MARCHF10: variants seen among roughly 807,000 people sequenced by gnomAD.
The protein encoded by MARCHF10 is probable E3 ubiquitin-protein ligase MARCHF10.
MARCHF10 carries 64 observed loss-of-function variants against 76.2 expected under a neutral mutation model. That is an observed-to-expected ratio of 0.84 (90% confidence interval 0.69 to 1.03). The LOEUF is 1.03. Ranked by LOEUF, MARCHF10 falls within the 50% of genes least tolerant of loss-of-function variation. The pLI, the probability that MARCHF10 is intolerant of heterozygous loss-of-function variation, is 0.00. For synonymous variants in MARCHF10, 340 were observed against 357.5 expected (o/e 0.95, Z 0.55); for missense variants, 875 against 958.0 (o/e 0.91, Z 1.14).
At chr17:62,770,607 C>T (rs1339776173) in intron 3 of MARCHF10, among the ~76,000 whole-genome samples, 5 of 147,512 alleles carry the variant, frequency 3.4e-5, no homozygotes, top group Non-Finnish European at 7.4e-5. Context: ...AGTGCACGAT[C>T]TTGACTCACT....
chr17:62,718,480 A>T (rs2090328967), intron 8 of MARCHF10, among the ~76,000 whole-genome samples: 1 of 152,216 alleles, frequency 6.6e-6, no homozygotes, highest in African/African-American at 2.4e-5. Context: ...TAGACAAGGC[A>T]TTCCCCTGGG....
intron 2 of MARCHF10, among the ~76,000 whole-genome samples, chr17:62,793,892 A>T (rs1397675658): frequency 2.3e-5 from 3 of 133,288 alleles, no homozygotes; most frequent in Non-Finnish European, 4.8e-5. Flanking sequence ...CACCACATCC[A>T]TCAACCACCA....
intron 5 of MARCHF10, among the ~76,000 whole-genome samples, chr17:62,742,662 C>T (rs1320231881): frequency 2.0e-5 from 3 of 148,922 alleles, no homozygotes; most frequent in Non-Finnish European, 4.4e-5. Context: ...GAGACGCTTA[C>T]CTTTCTCCTT....
intron 3 of MARCHF10, among the ~76,000 whole-genome samples, chr17:62,783,518 C>T (rs1291586420): frequency 1.3e-5 from 2 of 151,980 alleles, no homozygotes; most frequent in Non-Finnish European, 2.9e-5. Flanking sequence ...CAAGAAATAA[C>T]TAAGATGAGA....
At chr17:62,772,299 TTGTC>T (rs1453169562) in intron 3 of MARCHF10, among the ~76,000 whole-genome samples, 11 of 152,260 alleles carry the variant, frequency 7.2e-5, no homozygotes, top group African/African-American at 2.4e-4. Flanking sequence ...AGTTCTCTCT[TTGTC>T]TGTCGCCATG....
Position 62,725,413 on chromosome 17 carries a change from GCCACCACA to G in MARCHF10, c.1938-317_1938-310del, listed in dbSNP as rs1205749873. Among the ~76,000 whole-genome samples the G allele has an allele frequency of 2.0e-5, 3 of 152,118 alleles. No individual in the cohort carries two copies. In the East Asian group the frequency reaches 5.8e-4, roughly 29 times the overall value. ...CCAAGTAGCTGGATTACAGGTGCAT[GCCACCACA>G]CCTGGCTATTTTAAAAATTATTTTG... On this transcript the variant is annotated intron_variant, in intron 6 of 10. Transcript: ENST00000311269.
chr17:62,763,805 A>G (rs1402474238), intron 3 of MARCHF10, among the ~76,000 whole-genome samples: 2 of 152,248 alleles, frequency 1.3e-5, no homozygotes, highest in Non-Finnish European at 2.9e-5. Context: ...AAGTTCTAAC[A>G]AAGCCATGTT....
chr17:62,722,681 G>A lies in MARCHF10; in HGVS notation c.2105-84C>T, dbSNP rs576248400. Reference sequence around the variant, plus strand: ...TTTGGACAGGTGATATTTGGGGAGTGAACTTGTGTGTGTTATGAATTCTGA... The same window carrying A: ...TTTGGACAGGTGATATTTGGGGAGTAAACTTGTGTGTGTTATGAATTCTGA... On this transcript the variant is annotated intron_variant, in intron 7 of 10. Transcript: ENST00000311269. 1,643 of 1,097,950 alleles carry A rather than the reference G, an allele frequency of 1.5e-3. 2 individuals carry two copies. The highest frequency in any genetic ancestry group is 6.0e-3 in the Middle Eastern group (30 of 5,024). 68.0% of individuals were successfully genotyped at this position (1,097,950 alleles called of 1,614,324 possible). A position where few individuals can be genotyped will look rare whatever the true frequency, so the allele number is the denominator to read the frequency against.
intron 8 of MARCHF10, among the ~76,000 whole-genome samples, chr17:62,721,561 C>T (rs2090489273): frequency 6.6e-6 from 1 of 152,054 alleles, no homozygotes; most frequent in African/African-American, 2.4e-5. Context: ...TACTTTTGCA[C>T]CAACCTAATA....
At chr17:62,732,647 T>G (rs770179773) in intron 6 of MARCHF10, among the ~76,000 whole-genome samples, 2 of 151,972 alleles carry the variant, frequency 1.3e-5, no homozygotes, top group Admixed American at 6.6e-5. Context: ...CATAACGATA[T>G]CAGGTTAAGA....
intron 2 of MARCHF10, among the ~76,000 whole-genome samples, chr17:62,796,879 G>A (rs2092994442): frequency 6.6e-6 from 1 of 152,134 alleles, no homozygotes; most frequent in Non-Finnish European, 1.5e-5. Context: ...TGTGGTTCCA[G>A]CCACTCAGGA....
chr17:62,787,370 G>A lies in MARCHF10; in HGVS notation c.210+1110C>T, dbSNP rs185056617. On this transcript the variant is annotated intron_variant, in intron 3 of 10. Coordinates refer to ENST00000311269, the MANE Select transcript of MARCHF10 (RefSeq NM_152598.4). ...TCAACAAGAACTTGATTGATATCACGTATTCAGGATCTATCTCAGGATCCA... is the reference window on the plus strand; with the variant it reads ...TCAACAAGAACTTGATTGATATCACATATTCAGGATCTATCTCAGGATCCA... Among the ~76,000 whole-genome samples, 14 of 152,036 alleles carry A rather than the reference G, an allele frequency of 9.2e-5. 1 individual carries two copies. The highest frequency in any genetic ancestry group is 5.3e-4 in the Admixed American group (8 of 15,228).
At chr17:62,796,988 C>T (rs2092996687) in intron 2 of MARCHF10, among the ~76,000 whole-genome samples, 1 of 151,892 alleles carries the variant, frequency 6.6e-6, no homozygotes, top group South Asian at 2.1e-4. Flanking sequence ...TGCACCCCCA[C>T]CTGGACAACA....
At chr17:62,763,611 G>A (rs1354889315) in intron 3 of MARCHF10, among the ~76,000 whole-genome samples, 1 of 152,012 alleles carries the variant, frequency 6.6e-6, no homozygotes, top group Admixed American at 6.6e-5. Flanking sequence ...GTGTCCCCAA[G>A]TTGAAATGTC....
intron 5 of MARCHF10, among the ~76,000 whole-genome samples, chr17:62,739,941 G>T (rs1000364693): frequency 1.3e-5 from 2 of 152,160 alleles, no homozygotes; most frequent in African/African-American, 4.8e-5. Flanking sequence ...AAGTCCCAGG[G>T]TATGCGCGGT....
At chr17:62,726,407 G>A (rs1332689176) in intron 6 of MARCHF10, among the ~76,000 whole-genome samples, 1 of 152,216 alleles carries the variant, frequency 6.6e-6, no homozygotes, top group African/African-American at 2.4e-5. Flanking sequence ...GCAGCTCAGT[G>A]TAAAGAAGCA....
intron 8 of MARCHF10, among the ~76,000 whole-genome samples, chr17:62,713,590 C>A (rs1015440154): frequency 3.9e-5 from 6 of 152,150 alleles, no homozygotes; most frequent in African/African-American, 1.4e-4. Context: ...TCAGAGCAGG[C>A]GTGTGATAGT....
At chr17:62,804,931 C>T (rs957688490) in intron 1 of MARCHF10, 2 of 152,206 alleles carry the variant, frequency 1.3e-5, no homozygotes, top group Non-Finnish European at 2.9e-5. Flanking sequence ...GGCATTCCCT[C>T]GCTCCTCCTG....
intron 3 of MARCHF10, among the ~76,000 whole-genome samples, chr17:62,777,235 C>A (rs2092568521): frequency 6.6e-6 from 1 of 152,124 alleles, no homozygotes; most frequent in Admixed American, 6.5e-5. Flanking sequence ...AGACACTGGA[C>A]CAAATTGAGG....
Sources: gnomAD v4.1 joint callset for allele counts (sites outside exome capture counted in the v4.1 genomes callset) on GRCh38, gnomAD v4.1.1 for gene constraint, MANE v1.5 for transcripts, NCBI Gene and HGNC (gene_info 2026-07-23, HGNC 2026-07-21) for gene names.